The following USP14 variants were observed in gnomAD, a reference collection of about 807,000 sequenced individuals.
USP14 encodes ubiquitin carboxyl-terminal hydrolase 14.
USP14 carries 38 observed loss-of-function variants against 76.5 expected under a neutral mutation model. That is an observed-to-expected ratio of 0.50 (90% CI 0.38 to 0.65). The LOEUF is 0.65. Ranked by LOEUF, USP14 falls within the 30% of genes least tolerant of loss-of-function variation. The pLI, the probability that USP14 is intolerant of heterozygous loss-of-function variation, is 0.00. For synonymous variants in USP14, 192 were observed against 191.7 expected (o/e 1.00, Z -0.01); for missense variants, 467 against 586.5 (o/e 0.80, Z 2.10).
intron 2 of USP14, among the ~76,000 whole-genome samples, chr18:166,129 G>T (rs1909264681): frequency 6.6e-6 from 1 of 152,120 alleles, no homozygotes; most frequent in Non-Finnish European, 1.5e-5. Context: ...AGCTCTGCTG[G>T]TTCCAAACAT....
chr18:172,102 G>T (rs1909479686), intron 3 of USP14, among the ~76,000 whole-genome samples: 1 of 152,132 alleles, frequency 6.6e-6, no homozygotes, highest in African/African-American at 2.4e-5. Context: ...GTTGGGCATG[G>T]TGGTGTATAC....
At chr18:178,857 TC>T (rs1417057058) in intron 3 of USP14, 75 bp from the exon 4 acceptor site, 1 of 1,085,346 alleles carries the variant, frequency 9.2e-7, no homozygotes, top group Non-Finnish European at 1.3e-6. Context: ...GTTCTTTTGT[TC>T]CTGGCTTCTT....
intron 3 of USP14, among the ~76,000 whole-genome samples, chr18:178,331 G>T (rs138293685): frequency 6.6e-6 from 1 of 152,088 alleles, no homozygotes; most frequent in Admixed American, 6.6e-5. Context: ...TTTATTAGTT[G>T]TAAGTTTGTT....
intron 14 of USP14, 35 bp downstream of exon 14, chr18:210,066 A>C: frequency 6.6e-7 from 1 of 1,505,148 alleles, no homozygotes; most frequent in Non-Finnish European, 9.1e-7. Context: ...GAGTTATTGT[A>C]TGTGGGTCTT....
chr18:204,545 T>G lies in USP14; in HGVS notation c.1036-19T>G. On this transcript the variant is annotated intron_variant, in intron 12 of 15. Transcript: ENST00000261601. ...TTTATAAATGTGTTTACACATGTTT[T>G]TTGTTTGTTTGTATATAGGATGTTA... 1 of 1,542,938 alleles carries G rather than the reference T, an allele frequency of 6.5e-7. No homozygotes were observed. Among genetic ancestry groups the G allele is most frequent in the African/African-American group, 1.4e-5 (1 of 71,966 alleles).
At chr18:206,534 G>GT (rs1472962386) in intron 13 of USP14, among the ~76,000 whole-genome samples, 14 of 152,100 alleles carry the variant, frequency 9.2e-5, no homozygotes, top group Non-Finnish European at 1.8e-4. Context: ...CAGAAGAAAG[G>GT]TTTTTTTAAT....
At chr18:172,780 G>A (rs1312707594) in intron 3 of USP14, among the ~76,000 whole-genome samples, 2 of 151,968 alleles carry the variant, frequency 1.3e-5, no homozygotes, top group African/African-American at 4.8e-5. Context: ...ACATAATGCT[G>A]TTGCATACTT....
chr18:196,037 A>G (rs910554641), intron 6 of USP14, among the ~76,000 whole-genome samples: 1 of 151,984 alleles, frequency 6.6e-6, no homozygotes, highest in Non-Finnish European at 1.5e-5. Flanking sequence ...AAAAATGTTT[A>G]AGCAGCTGGG....
At chr18:209,256 G>T (rs1244869146) in intron 13 of USP14, among the ~76,000 whole-genome samples, 1 of 152,038 alleles carries the variant, frequency 6.6e-6, no homozygotes, top group African/African-American at 2.4e-5. Flanking sequence ...GTATAAAAAA[G>T]ATGTGATTAA....
chr18:195,593 A>G (rs1208318874), intron 6 of USP14, among the ~76,000 whole-genome samples: 1 of 152,194 alleles, frequency 6.6e-6, no homozygotes, highest in Non-Finnish European at 1.5e-5. Context: ...TGCTGCTGAG[A>G]GGGGTAAGTG....
At chr18:182,104 G>T (rs1317455853) in intron 5 of USP14, among the ~76,000 whole-genome samples, 1 of 152,012 alleles carries the variant, frequency 6.6e-6, no homozygotes, top group Admixed American at 6.6e-5. Flanking sequence ...GTCAGTACTG[G>T]TTTCAAAAAA....
In USP14 at chr18:158,561, G is replaced by A. The variant is rs1310822552; in HGVS notation, c.-138G>A. ...GTCATCGCCAGTGGCCGGTTTGAAT[G>A]AGACTCGTCGCACCGAAGCCGCCGC... On this transcript the variant is annotated 5_prime_UTR_variant, in exon 1 of 16. It removes an upstream start codon present in the reference 5' UTR. Coordinates refer to ENST00000261601, the MANE Select transcript of USP14 (RefSeq NM_005151.4). The A allele has an allele frequency of 2.4e-6, 2 of 833,256 alleles. No homozygotes were observed. The highest frequency in any genetic ancestry group is 3.6e-6 in the Non-Finnish European group (2 of 554,966). The allele number at this position is 833,256 out of a possible 1,614,324, so 51.6% of individuals were successfully genotyped here.
At chr18:183,557 T>G (rs1318002259) in intron 5 of USP14, among the ~76,000 whole-genome samples, 1 of 152,094 alleles carries the variant, frequency 6.6e-6, no homozygotes, top group African/African-American at 2.4e-5. Context: ...TAAATTTTTA[T>G]AATTTTTATG....
chr18:197,456 C>T (rs2143068738), intron 7 of USP14, among the ~76,000 whole-genome samples, 160 bp from the exon 8 acceptor site: 1 of 152,242 alleles, frequency 6.6e-6, no homozygotes, highest in East Asian at 1.9e-4. Context: ...ATAAGCTATT[C>T]TAGAATGCTT....
Position 213,384 on chromosome 18 carries a change from TAAA to T in USP14, c.*2104_*2106del, listed in dbSNP as rs1567839189. 1.3e-5 allele frequency: 2 copies of T among 152,196 alleles called. No homozygotes were observed. The highest frequency in any genetic ancestry group is 4.8e-5 in the African/African-American group (2 of 41,428). 9.4% of individuals were successfully genotyped at this position (152,196 alleles called of 1,614,324 possible). On this transcript the variant is annotated 3_prime_UTR_variant, in exon 16 of 16. Transcript: ENST00000261601. Reference sequence around the variant, plus strand: ...AAAAGCTTGATTTTTTTATTTGATCTAAAAAAGCATTATTCCAAAGAATTTTTT... The same window carrying T: ...AAAAGCTTGATTTTTTTATTTGATCTAAAGCATTATTCCAAAGAATTTTTT...
intron 10 of USP14, among the ~76,000 whole-genome samples, chr18:200,633 C>G (rs918649701): frequency 6.6e-6 from 1 of 152,098 alleles, no homozygotes; most frequent in Admixed American, 6.6e-5. Flanking sequence ...ATAAAACATA[C>G]GGTTTTGCTT....
intron 5 of USP14, among the ~76,000 whole-genome samples, chr18:191,784 A>G (rs1910095945): frequency 1.3e-5 from 2 of 152,118 alleles, no homozygotes; most frequent in Admixed American, 6.5e-5. Flanking sequence ...ATATTGGGTG[A>G]TACTAGTTTT....
intron 5 of USP14, among the ~76,000 whole-genome samples, chr18:185,367 A>C (rs1909900274): frequency 6.6e-6 from 1 of 151,982 alleles, no homozygotes; most frequent in Non-Finnish European, 1.5e-5. Context: ...TATATTGTCA[A>C]GGCTGGTTTC....
At chr18:195,557 A>T (rs1360707343) in intron 6 of USP14, among the ~76,000 whole-genome samples, 3 of 152,234 alleles carry the variant, frequency 2.0e-5, no homozygotes, top group Non-Finnish European at 1.5e-5. Context: ...CCAAGAGAAC[A>T]GACTAGTCCA....
Sources: gnomAD v4.1 joint callset for allele counts (sites outside exome capture counted in the v4.1 genomes callset) on GRCh38, gnomAD v4.1.1 for gene constraint, MANE v1.5 for transcripts, NCBI Gene and HGNC (gene_info 2026-07-23, HGNC 2026-07-21) for gene names.